MRPL42: variants seen among roughly 807,000 people sequenced by gnomAD.
MRPL42 encodes mitochondrial ribosomal protein L42.
MRPL42 carries 17 observed loss-of-function variants against 17.9 expected under a neutral mutation model. The observed-to-expected ratio is 0.95, with a 90% CI of 0.65 to 1.42. MRPL42 has a LOEUF of 1.42. MRPL42 is among the 40% of genes most tolerant of loss of function. The probability of loss-of-function intolerance (pLI) is 0.00; values close to 1 mark genes in which losing one functional copy is unlikely to be tolerated. For missense variants in MRPL42, 177 were observed against 175.2 expected, an observed-to-expected ratio of 1.01 and a Z score of -0.06; for synonymous variants, 59 against 54.4, an observed-to-expected ratio of 1.08 and a Z score of -0.37.
chr12:93,473,265 C>G (rs1879991564), intron 2 of MRPL42, among the ~76,000 whole-genome samples: 1 of 151,772 alleles, frequency 6.6e-6, no homozygotes, highest in Non-Finnish European at 1.5e-5. Flanking sequence ...TGAATGTTTC[C>G]TTATTTTTTT....
Position 93,505,108 on chromosome 12 carries a change from C to G in MRPL42, c.*3887C>G, listed in dbSNP as rs1463867998. 2.0e-5 allele frequency: 3 copies of G among 152,140 alleles called. No individual in the cohort carries two copies. In the East Asian group the frequency reaches 5.8e-4, roughly 29 times the overall value. 9.4% of individuals were successfully genotyped at this position (152,140 alleles called of 1,614,324 possible). ...CCTGGGGATAGAGTATGTAGTTTCT[C>G]AGCAACTCATTACAGTCTGTCACAT... On this transcript the variant is annotated 3_prime_UTR_variant, in exon 6 of 6. Transcript: ENST00000549982.
chr12:93,470,895 A>ATAG (rs1204959761), intron 2 of MRPL42, among the ~76,000 whole-genome samples: 1 of 152,218 alleles, frequency 6.6e-6, no homozygotes, highest in East Asian at 1.9e-4. Flanking sequence ...GCTATTGTGA[A>ATAG]TAGTGCTCTG....
intron 2 of MRPL42, among the ~76,000 whole-genome samples, chr12:93,474,107 CAGAGT>C (rs1029483255): frequency 1.3e-5 from 2 of 152,004 alleles, no homozygotes; most frequent in Non-Finnish European, 2.9e-5. Context: ...TGTGTAAACA[CAGAGT>C]AGAAATTTTA....
chr12:93,479,382 T>C lies in MRPL42; in HGVS notation c.135-6T>C. On this transcript the variant is annotated splice_region_variant and splice_polypyrimidine_tract_variant and intron_variant, in intron 3 of 5. Coordinates refer to ENST00000549982, the MANE Select transcript of MRPL42 (RefSeq NM_014050.4). Reference sequence around the variant, plus strand: ...AACTTTATTTCTAAAACATTCTTTTTTTTAGCAACGTAGAGCTTGCTCTGA... The same window carrying C: ...AACTTTATTTCTAAAACATTCTTTTCTTTAGCAACGTAGAGCTTGCTCTGA... 1 of 1,597,048 alleles carries C rather than the reference T, an allele frequency of 6.3e-7. No individual in the cohort carries two copies. The highest frequency in any genetic ancestry group is 8.5e-7 in the Non-Finnish European group (1 of 1,172,124).
At position 93,503,556 on chromosome 12, in the gene MRPL42, AT is replaced by A. The variant is rs1380871624; in HGVS notation, c.*2343del. On this transcript the variant is annotated 3_prime_UTR_variant, in exon 6 of 6. Coordinates refer to ENST00000549982, the MANE Select transcript of MRPL42 (RefSeq NM_014050.4). ...CTACCATGCCTGGCTAATTGTTTTA[AT>A]TTTTTTTATAGAGACGGGGTTTCGC... 6.6e-6 allele frequency: 1 copy of A among 151,596 alleles called. No homozygotes were observed. The highest frequency in any genetic ancestry group is 1.5e-5 in the Non-Finnish European group (1 of 67,850). The allele number at this position is 151,596 out of a possible 1,614,324, so 9.4% of individuals were successfully genotyped here.
chr12:93,489,796 A>C (rs1367395740), intron 5 of MRPL42, among the ~76,000 whole-genome samples: 1 of 152,200 alleles, frequency 6.6e-6, no homozygotes, highest in African/African-American at 2.4e-5. Context: ...TTGGCCTCCC[A>C]AAGTGCTGGG....
In MRPL42 at chr12:93,478,720, A is replaced by G. The variant is rs78788534; in HGVS notation, c.135-668A>G. On this transcript the variant is annotated intron_variant, in intron 3 of 5. Transcript: ENST00000549982. ...ATTAAATGTTCATTGTAGCCATGTT[A>G]TGGTATTCAATCTTGAAACCACGGT... 3.6e-3 allele frequency among the ~76,000 whole-genome samples: 554 copies of G among 152,248 alleles called. 4 individuals are homozygous for G. Among genetic ancestry groups the G allele is most frequent in the African/African-American group, 0.013 (534 of 41,542 alleles).
intron 2 of MRPL42, among the ~76,000 whole-genome samples, chr12:93,473,251 G>A (rs537829534): frequency 6.6e-6 from 1 of 152,068 alleles, no homozygotes; most frequent in South Asian, 2.1e-4. Context: ...AAAATATCAG[G>A]TAATGAATGT....
intron 4 of MRPL42, among the ~76,000 whole-genome samples, chr12:93,483,500 A>G (rs916909574): frequency 6.6e-6 from 1 of 152,232 alleles, no homozygotes; most frequent in African/African-American, 2.4e-5. Flanking sequence ...ACAATGGTCA[A>G]TATTTATGTA....
chr12:93,487,418 A>G, intron 4 of MRPL42, 79 bp from the exon 5 acceptor site: 2 of 1,317,060 alleles, frequency 1.5e-6, no homozygotes, highest in Non-Finnish European at 2.1e-6. Context: ...GAATATGGTA[A>G]TTGTTTTATT....
rs1356495358 is a variant in MRPL42, at chr12:93,512,669, G to A, written c.*11448G>A. The A allele has an allele frequency of 2.0e-5, 3 of 152,280 alleles. No individual in the cohort carries two copies. Among genetic ancestry groups the A allele is most frequent in the South Asian group, 4.1e-4 (2 of 4,830 alleles). The allele number at this position is 152,280 out of a possible 1,614,324, so 9.4% of individuals were successfully genotyped here. A position where few individuals can be genotyped will look rare whatever the true frequency, so the allele number is the denominator to read the frequency against. On this transcript the variant is annotated 3_prime_UTR_variant, in exon 6 of 6. Coordinates refer to ENST00000549982, the MANE Select transcript of MRPL42 (RefSeq NM_014050.4). Reference sequence around the variant, plus strand: ...GAGTTGCTACAGATTGTTATTACATGTTCCATAATTTAACAATTGTCATTG... The same window carrying A: ...GAGTTGCTACAGATTGTTATTACATATTCCATAATTTAACAATTGTCATTG...
chr12:93,494,066 G>A (rs1327028028), intron 5 of MRPL42, among the ~76,000 whole-genome samples: 1 of 139,798 alleles, frequency 7.2e-6, no homozygotes, highest in Non-Finnish European at 1.5e-5. Context: ...AAGAGGCCAT[G>A]TAGCCAGAAT....
chr12:93,512,568 GGCAGGAAT>G lies in MRPL42; in HGVS notation c.*11351_*11358del, dbSNP rs1194901851. 6.6e-6 allele frequency: 1 copy of G among 152,520 alleles called. No individual in the cohort carries two copies. Among genetic ancestry groups the G allele is most frequent in the Non-Finnish European group, 1.5e-5 (1 of 68,038 alleles). 9.4% of individuals were successfully genotyped at this position (152,520 alleles called of 1,614,324 possible). A position where few individuals can be genotyped will look rare whatever the true frequency, so the allele number is the denominator to read the frequency against. ...ATAGCTTCAGAATTCTTTCATACAA[GGCAGGAAT>G]GCAACTTGTTTTTTAATGGCAGATA... On this transcript the variant is annotated 3_prime_UTR_variant, in exon 6 of 6. Transcript: ENST00000549982.
rs1953675833 is a variant in MRPL42, at chr12:93,506,817, T to TG, written c.*5596_*5597insG. ...TAATTGTCTTGATGAGTAATATATG[T>TG]AGTCAGTAACATGGTTAAGTGTGGC... On this transcript the variant is annotated 3_prime_UTR_variant, in exon 6 of 6. Transcript: ENST00000549982. 1 of 152,208 alleles carries TG rather than the reference T, an allele frequency of 6.6e-6. No homozygotes were observed. Among genetic ancestry groups the TG allele is most frequent in the African/African-American group, 2.4e-5 (1 of 41,460 alleles). 9.4% of individuals were successfully genotyped at this position (152,208 alleles called of 1,614,324 possible).
At chr12:93,472,953 C>T (rs1879979108) in intron 2 of MRPL42, among the ~76,000 whole-genome samples, 1 of 152,216 alleles carries the variant, frequency 6.6e-6, no homozygotes, top group South Asian at 2.1e-4. Flanking sequence ...TGACCAAAAT[C>T]TGGATCTCCC....
intron 5 of MRPL42, among the ~76,000 whole-genome samples, chr12:93,489,338 T>C (rs1233649909): frequency 6.6e-6 from 1 of 152,108 alleles, no homozygotes; most frequent in Non-Finnish European, 1.5e-5. Flanking sequence ...AGAATATTAA[T>C]TTATTATAAC....
chr12:93,489,536 T>A (rs200436709), intron 5 of MRPL42, among the ~76,000 whole-genome samples: 2 of 151,792 alleles, frequency 1.3e-5, no homozygotes, highest in African/African-American at 4.8e-5. Flanking sequence ...TATTTTATTT[T>A]ATTTATTTAT....
rs1057380710 is a variant in MRPL42 at position 93,509,430 on chromosome 12, A to G, written c.*8209A>G. ...GTTGGGCACTCATATCTTTGGTGAA[A>G]TATCTGTTCAAATCATTTGCTCTTT... On this transcript the variant is annotated 3_prime_UTR_variant, in exon 6 of 6. Coordinates refer to ENST00000549982, the MANE Select transcript of MRPL42 (RefSeq NM_014050.4). 2 of 152,000 alleles carry G rather than the reference A, an allele frequency of 1.3e-5. No homozygotes were observed. Among genetic ancestry groups the G allele is most frequent in the African/African-American group, 4.8e-5 (2 of 41,390 alleles). The allele number at this position is 152,000 out of a possible 1,614,324, so 9.4% of individuals were successfully genotyped here. A position where few individuals can be genotyped will look rare whatever the true frequency, so the allele number is the denominator to read the frequency against.
intron 2 of MRPL42, among the ~76,000 whole-genome samples, chr12:93,476,210 A>T (rs929235045): frequency 2.0e-5 from 3 of 152,156 alleles, no homozygotes; most frequent in Admixed American, 2.0e-4. Context: ...TTTTTTTGAG[A>T]CAGAGTTTCG....
Sources: allele counts gnomAD v4.1 joint callset (sites outside exome capture counted in the v4.1 genomes callset), GRCh38; gene constraint gnomAD v4.1.1; transcripts MANE v1.5; gene names NCBI Gene and HGNC (gene_info 2026-07-23, HGNC 2026-07-21).